Variants in PXDNL observed in about 807,000 individuals in gnomAD.
PXDNL encodes probable oxidoreductase PXDNL.
In PXDNL, 145 loss-of-function variants were observed where a neutral mutation model predicts 150.8. The ratio of observed to expected loss-of-function variants is 0.96; its 90% CI spans 0.84 to 1.10. The LOEUF is 1.10. PXDNL is among the 50% of genes least tolerant of loss of function. The probability of loss-of-function intolerance (pLI) is 0.00; values close to 1 mark genes in which losing one functional copy is unlikely to be tolerated. For missense variants in PXDNL, 2,087 were observed against 1,873.9 expected (o/e 1.11, Z -2.10); for synonymous variants, 757 against 725.7 (o/e 1.04, Z -0.69).
chr8:51,584,739 T>C (rs569452489), intron 3 of PXDNL, among the ~76,000 whole-genome samples: 7 of 152,274 alleles, frequency 4.6e-5, no homozygotes, highest in African/African-American at 1.4e-4. Flanking sequence ...GCTGAAGATA[T>C]AAATAAAGTT....
At chr8:51,672,900 A>C (rs552427818) in intron 1 of PXDNL, among the ~76,000 whole-genome samples, 3 of 152,130 alleles carry the variant, frequency 2.0e-5, no homozygotes, top group Non-Finnish European at 4.4e-5. Flanking sequence ...AAGAAAATAT[A>C]TTCCTGATTT....
At chr8:51,574,854 G>T (rs979314885) in intron 3 of PXDNL, among the ~76,000 whole-genome samples, 1 of 151,982 alleles carries the variant, frequency 6.6e-6, no homozygotes, top group African/African-American at 2.4e-5. Flanking sequence ...ATTCTCAGAT[G>T]AGGGGAAATC....
In PXDNL at chr8:51,377,105, TACACACAC is replaced by T. The variant is rs772419401; in HGVS notation, c.3558-2382_3558-2375del. On this transcript the variant is annotated intron_variant, in intron 17 of 22. Transcript: ENST00000356297. Reference sequence around the variant, plus strand: ...AAATCTGAAGTGGCACTCTACCCTTTACACACACACACACACACACACACACACACACA... The same window carrying T: ...AAATCTGAAGTGGCACTCTACCCTTTACACACACACACACACACACACACA... Among the ~76,000 whole-genome samples, 1,011 of 140,696 alleles carry T rather than the reference TACACACAC, an allele frequency of 7.2e-3. 8 individuals carry two copies. Among genetic ancestry groups the T allele is most frequent in the African/African-American group, 0.023 (896 of 38,356 alleles). 92.3% of individuals were successfully genotyped at this position (140,696 alleles called of 152,430 possible).
intron 2 of PXDNL, among the ~76,000 whole-genome samples, chr8:51,651,648 C>CA (rs996508335): frequency 6.6e-6 from 1 of 152,108 alleles, no homozygotes; most frequent in Non-Finnish European, 1.5e-5. Flanking sequence ...TAGTGGCATG[C>CA]ATTTATTTTA....
At chr8:51,530,351 C>G (rs928103953) in intron 4 of PXDNL, among the ~76,000 whole-genome samples, 1 of 152,084 alleles carries the variant, frequency 6.6e-6, no homozygotes, top group Non-Finnish European at 1.5e-5. Context: ...TCCTTACCTT[C>G]AACCTAAATC....
At chr8:51,470,233 T>C (rs575201069) in intron 8 of PXDNL, among the ~76,000 whole-genome samples, 1 of 152,216 alleles carries the variant, frequency 6.6e-6, no homozygotes. Context: ...GTCTTTCTCG[T>C]GGGCTAGTTT....
At chr8:51,511,661 G>C (rs1811422179) in intron 4 of PXDNL, among the ~76,000 whole-genome samples, 1 of 152,180 alleles carries the variant, frequency 6.6e-6, no homozygotes, top group Non-Finnish European at 1.5e-5. Context: ...AGGCAGGGCA[G>C]AAAAAGGATG....
At chr8:51,790,714 C>T (rs1198689816) in intron 1 of PXDNL, among the ~76,000 whole-genome samples, 3 of 151,750 alleles carry the variant, frequency 2.0e-5, no homozygotes, top group Non-Finnish European at 2.9e-5. Context: ...GGGCGAGGTC[C>T]GGATGGGCCC....
intron 1 of PXDNL, among the ~76,000 whole-genome samples, chr8:51,695,761 A>G (rs1247881495): frequency 1.3e-5 from 2 of 152,320 alleles, no homozygotes; most frequent in Middle Eastern, 3.4e-3. Context: ...AAAAGCTAAG[A>G]TGACTCTGAA....
intron 7 of PXDNL, 96 bp downstream of exon 7, chr8:51,474,876 C>G: frequency 9.7e-7 from 1 of 1,033,084 alleles, no homozygotes; most frequent in South Asian, 2.9e-5. Context: ...TCTGATAACA[C>G]GTTCTTCTAA....
intron 3 of PXDNL, among the ~76,000 whole-genome samples, chr8:51,563,119 A>G (rs1260720356): frequency 6.6e-6 from 1 of 151,952 alleles, no homozygotes; most frequent in Non-Finnish European, 1.5e-5. Context: ...CTCCATGAAA[A>G]CAACCAAGAG....
intron 3 of PXDNL, among the ~76,000 whole-genome samples, chr8:51,557,572 T>C (rs1812624954): frequency 6.6e-6 from 1 of 152,174 alleles, no homozygotes; most frequent in Non-Finnish European, 1.5e-5. Flanking sequence ...CCCTGGATCT[T>C]TTCTACTTGT....
chr8:51,682,122 T>C (rs1357558786), intron 1 of PXDNL, among the ~76,000 whole-genome samples: 1 of 152,154 alleles, frequency 6.6e-6, no homozygotes, highest in African/African-American at 2.4e-5. Flanking sequence ...AATGCTATGG[T>C]TTAAAAAAAC....
At chr8:51,772,995 C>G (rs1001622566) in intron 1 of PXDNL, among the ~76,000 whole-genome samples, 3 of 152,168 alleles carry the variant, frequency 2.0e-5, no homozygotes, top group Non-Finnish European at 4.4e-5. Context: ...AGCAACACAA[C>G]TGTGATCTAG....
At chr8:51,469,619 G>C (rs541264524) in intron 8 of PXDNL, among the ~76,000 whole-genome samples, 2 of 151,962 alleles carry the variant, frequency 1.3e-5, no homozygotes, top group Admixed American at 6.6e-5. Context: ...TCCTCTCCAG[G>C]GGAGTAGAAA....
intron 17 of PXDNL, among the ~76,000 whole-genome samples, chr8:51,402,590 T>A (rs748531440): frequency 2.2e-4 from 33 of 152,128 alleles, no homozygotes; most frequent in Non-Finnish European, 4.1e-4. Flanking sequence ...AAACTTATAC[T>A]TACTCAAAAC....
chr8:51,760,009 C>G (rs1159900800), intron 1 of PXDNL, among the ~76,000 whole-genome samples: 1 of 152,190 alleles, frequency 6.6e-6, no homozygotes, highest in Admixed American at 6.5e-5. Flanking sequence ...CTACTCTTCT[C>G]CAGGTAAAGG....
chr8:51,398,606 C>T (rs1285724238), intron 17 of PXDNL, among the ~76,000 whole-genome samples: 6 of 152,316 alleles, frequency 3.9e-5, no homozygotes, highest in Middle Eastern at 3.4e-3. Flanking sequence ...GCATGGCCAA[C>T]AGCATTTGGA....
intron 2 of PXDNL, among the ~76,000 whole-genome samples, chr8:51,607,065 A>G (rs1282635175): frequency 6.6e-6 from 1 of 152,214 alleles, no homozygotes; most frequent in Non-Finnish European, 1.5e-5. Context: ...TTCTGATACA[A>G]TAATGTACTT....
Sources: gnomAD v4.1 joint callset for allele counts (sites outside exome capture counted in the v4.1 genomes callset) on GRCh38, gnomAD v4.1.1 for gene constraint, MANE v1.5 for transcripts, NCBI Gene and HGNC (gene_info 2026-07-23, HGNC 2026-07-21) for gene names.